The following TNC variants were observed in gnomAD, a reference collection of about 807,000 sequenced individuals.
The protein encoded by TNC is tenascin.
Under a neutral mutation model 202.4 loss-of-function variants are expected in TNC, and 109 were observed. The ratio of observed to expected loss-of-function variants is 0.54; its 90% CI spans 0.46 to 0.63. TNC has a LOEUF of 0.63. Among genes scored for constraint, TNC ranks in the 30% least tolerant of loss-of-function variants. TNC has a pLI of 0.00. For missense variants in TNC, 2,756 were observed against 2,833.3 expected (o/e 0.97, Z 0.62); for synonymous variants, 1,007 against 1,089.7 (o/e 0.92, Z 1.50).
chr9:115,091,286 C>T (rs1272951135), intron 1 of TNC, 132 bp from the exon 2 acceptor site: 1 of 438,826 alleles, frequency 2.3e-6, no homozygotes, highest in Non-Finnish European at 4.1e-6. Context: ...ATTATATACC[C>T]TTGAAATAAC....
intron 4 of TNC, among the ~76,000 whole-genome samples, chr9:115,083,537 A>T (rs752635599): frequency 1.3e-5 from 2 of 151,806 alleles, no homozygotes; most frequent in Non-Finnish European, 2.9e-5. Context: ...CAGTTTCCTC[A>T]TCTGTAAAAT....
intron 20 of TNC, among the ~76,000 whole-genome samples, chr9:115,036,998 T>C (rs1400704427): frequency 6.6e-6 from 1 of 152,152 alleles, no homozygotes; most frequent in East Asian, 1.9e-4. Context: ...ATCTACAATC[T>C]CCATGGTTCC....
intron 1 of TNC, among the ~76,000 whole-genome samples, chr9:115,095,538 ATATATATG>A (rs1564138402): frequency 0.011 from 16 of 1,478 alleles, 2 homozygotes; most frequent in African/African-American, 0.04. Context: ...ATATATATGT[ATATATATG>A]TATATATATG....
In TNC at chr9:115,059,854, C is replaced by A; in HGVS notation, c.4182G>T (p.Thr1394=). The A allele has an allele frequency of 6.2e-7, 1 of 1,614,090 alleles. No homozygotes were observed. Among genetic ancestry groups the A allele is most frequent in the Middle Eastern group, 1.7e-4 (1 of 6,058 alleles). Residue 1394 remains threonine, a synonymous_variant, in exon 14 of 28, where the codon ACG becomes ACT. Transcript: ENST00000350763. The part of the protein sequence containing the change: ...VNKVEAAQNL[T]LPGSLRAVDI... ...CCACAGCCCTGAGGCTGCCAGGCAA[C>A]GTGAGGTTCTGGGCTGCCTCCACTT...
intron 10 of TNC, among the ~76,000 whole-genome samples, chr9:115,070,429 G>A (rs1371532626): frequency 6.6e-6 from 1 of 152,248 alleles, no homozygotes; most frequent in Non-Finnish European, 1.5e-5. Context: ...ATGGTGAAGT[G>A]AGCAAGGGAA....
intron 1 of TNC, among the ~76,000 whole-genome samples, chr9:115,116,388 GCT>G (rs1837468930): frequency 6.6e-6 from 1 of 152,132 alleles, no homozygotes. Context: ...GCCAAAGCAC[GCT>G]GACTTACATC....
At chr9:115,095,684 A>ATATATATATG (rs1385257545) in intron 1 of TNC, among the ~76,000 whole-genome samples, 1 of 78,688 alleles carries the variant, frequency 1.3e-5, no homozygotes, top group African/African-American at 5.1e-5. Context: ...ATATATATGT[A>ATATATATATG]TATATATATG....
chr9:115,097,195 C>T lies in TNC; in HGVS notation c.-136-6041G>A, dbSNP rs1488903594. ...AGTTCTATCACTTTAGCAGCTGCTC[C>T]CTATGGCCATTCCCTTTCTCCTCTG... On this transcript the variant is annotated intron_variant, in intron 1 of 27. Transcript: ENST00000350763. Among the ~76,000 whole-genome samples, 79 of 152,134 alleles carry T rather than the reference C, an allele frequency of 5.2e-4. 1 individual carries two copies. Among genetic ancestry groups the T allele is most frequent in the Admixed American group, 5.0e-3 (77 of 15,272 alleles).
intron 15 of TNC, among the ~76,000 whole-genome samples, chr9:115,049,521 G>T (rs138653637): frequency 3.1e-3 from 467 of 152,166 alleles, no homozygotes; most frequent in Non-Finnish European, 5.7e-3. Flanking sequence ...CAGGTCTTCC[G>T]ACTCCAAGTT....
intron 13 of TNC, among the ~76,000 whole-genome samples, chr9:115,061,150 G>T (rs1023096919): frequency 3.9e-5 from 6 of 152,196 alleles, no homozygotes; most frequent in African/African-American, 1.2e-4. Flanking sequence ...GAGAATATCT[G>T]CAGGGATTTC....
Position 115,081,864 on chromosome 9 carries a change from G to T in TNC, c.2312C>A (p.Thr771Asn). 1 of 1,604,440 alleles carries T rather than the reference G, an allele frequency of 6.2e-7. No homozygotes were observed. The highest frequency in any genetic ancestry group is 8.5e-7 in the Non-Finnish European group (1 of 1,177,560). Residue 771 changes from threonine (T) to asparagine (N), a missense_variant, in exon 6 of 28, where the codon ACT (threonine) becomes AAT (asparagine). Physicochemically the swap from Thr to Asn is moderately conservative, Grantham distance 65. Transcript: ENST00000350763. The part of the protein sequence containing the change: ...LRRPETSYRQ[T>N]GLAPGQEYEI... The stretch of plus-strand genomic sequence containing the variant: ...ATACTCTTGCCCAGGAGCTAGACCA[G>T]TTTGCCGGTAAGAGGTCTCTGGCCT...
At chr9:115,062,111 C>A (rs1564455521) in intron 13 of TNC, among the ~76,000 whole-genome samples, 1 of 152,130 alleles carries the variant, frequency 6.6e-6, no homozygotes, top group African/African-American at 2.4e-5. Flanking sequence ...ACAGCCCTAA[C>A]GTTTGTGCTA....
chr9:115,114,315 C>T (rs1373568504), intron 1 of TNC, among the ~76,000 whole-genome samples: 1 of 152,216 alleles, frequency 6.6e-6, no homozygotes, highest in East Asian at 1.9e-4. Flanking sequence ...ATTTGTGGCT[C>T]GGAGCCTACA....
intron 1 of TNC, among the ~76,000 whole-genome samples, chr9:115,092,749 A>ATT (rs34706824): frequency 8.6e-5 from 12 of 139,296 alleles, no homozygotes; most frequent in East Asian, 8.3e-4. Context: ...GATTTTTTGT[A>ATT]TTTTTTTTTT....
chr9:115,080,648 C>T (rs13292119), intron 6 of TNC, among the ~76,000 whole-genome samples: 5,087 of 151,998 alleles, frequency 0.033, 129 homozygotes, highest in Middle Eastern at 0.054. Flanking sequence ...CGGTGGCTCA[C>T]GCCTGTAATC....
At chr9:115,067,866 G>A (rs1198423591) in intron 10 of TNC, among the ~76,000 whole-genome samples, 1 of 151,302 alleles carries the variant, frequency 6.6e-6, no homozygotes, top group East Asian at 1.9e-4. Context: ...AATCAAGAAA[G>A]AGCATTGGTT....
rs145186809 is a variant in TNC, at chr9:115,085,993, A to G, written c.1738T>C (p.Cys580Arg). 3.0e-4 allele frequency: 483 copies of G among 1,613,832 alleles called. 1 individual carries two copies. Among genetic ancestry groups the G allele is most frequent in the Non-Finnish European group, 3.9e-4 (459 of 1,179,944 alleles). Reference sequence around the variant, plus strand: ...TCCAGGCCTGTGAAGCCCTCGTGGCAGATGCACTGGCCGTCCACGCAGCGG... The same window carrying G: ...TCCAGGCCTGTGAAGCCCTCGTGGCGGATGCACTGGCCGTCCACGCAGCGG... ...QGRCVDGQCI[C>R]HEGFTGLDCG... The change falls in exon 3 of 28, where the codon TGC (cysteine) becomes CGC (arginine). Residue 580 changes from cysteine (C) to arginine (R), a missense_variant. Cys to Arg is a radical substitution (Grantham distance 180, BLOSUM62 -3). This residue lies in a region of TNC where 2,559 missense variants were observed against 2,546.0 expected (regional missense o/e 1.01). Coordinates refer to ENST00000350763, the MANE Select transcript of TNC (RefSeq NM_002160.4).
intron 20 of TNC, among the ~76,000 whole-genome samples, chr9:115,037,485 T>A (rs756429702): frequency 1.5e-4 from 23 of 152,198 alleles, no homozygotes; most frequent in Non-Finnish European, 3.1e-4. Context: ...GCACTGATGG[T>A]TGCCAAACAA....
intron 19 of TNC, among the ~76,000 whole-genome samples, chr9:115,038,786 C>T (rs1830520935): frequency 6.6e-6 from 1 of 152,130 alleles, no homozygotes; most frequent in Non-Finnish European, 1.5e-5. Flanking sequence ...GTTAAGACTG[C>T]CCGAGCCTTT....
Sources: gnomAD v4.1 joint callset for allele counts (sites outside exome capture counted in the v4.1 genomes callset) on GRCh38, gnomAD v4.1.1 for gene constraint, gnomAD v4.1.1 regional missense constraint, MANE v1.5 for transcripts, NCBI Gene and HGNC (gene_info 2026-07-23, HGNC 2026-07-21) for gene names.